Variants in MTMR10 observed in about 807,000 individuals in gnomAD.
The protein encoded by MTMR10 is myotubularin-related protein 10.
In MTMR10, 56 loss-of-function variants were observed where a neutral mutation model predicts 88.1. That is an observed-to-expected ratio of 0.64 (90% confidence interval 0.51 to 0.79). The LOEUF (loss-of-function observed/expected upper bound fraction) is 0.79, where lower values mean the gene tolerates loss of function less well. MTMR10 is among the 30% of genes least tolerant of loss of function. The probability of loss-of-function intolerance (pLI) is 0.00; values close to 1 mark genes in which losing one functional copy is unlikely to be tolerated. For missense variants in MTMR10, 883 were observed against 924.7 expected, an observed-to-expected ratio of 0.95 and a Z score of 0.58; for synonymous variants, 380 against 340.9, an observed-to-expected ratio of 1.11 and a Z score of -1.26.
the MTMR10 span, among the ~76,000 whole-genome samples, chr15:30,923,860 C>T: frequency 6.6e-6 from 1 of 151,878 alleles, no homozygotes; most frequent in African/African-American, 2.4e-5. Flanking sequence ...ATTTAACATC[C>T]CTAAAATACA....
intron 2 of MTMR10, among the ~76,000 whole-genome samples, chr15:30,988,878 T>C (rs1200708254): frequency 2.0e-5 from 3 of 150,080 alleles, no homozygotes; most frequent in Admixed American, 1.3e-4. Flanking sequence ...TAATCCCAGC[T>C]ACTTGGGAGA....
chr15:30,928,106 G>A, the MTMR10 span: 1 of 1,000,550 alleles, frequency 1.0e-6, no homozygotes, highest in Non-Finnish European at 1.2e-6. Context: ...CGGCCTCCGG[G>A]AGGTCCCCTT....
downstream of MTMR10, among the ~76,000 whole-genome samples, chr15:30,937,447 CTTTTTTTTTTTT>C (rs11317050): frequency 1.3e-5 from 1 of 78,978 alleles, no homozygotes; most frequent in African/African-American, 5.1e-5. Context: ...GGGTAATAAA[CTTTTTTTTTTTT>C]TTTTTTTTTT....
intron 6 of MTMR10, among the ~76,000 whole-genome samples, chr15:30,962,605 C>T (rs1025298531): frequency 4.6e-5 from 7 of 151,752 alleles, no homozygotes; most frequent in Admixed American, 6.6e-5. Context: ...TACCCTCCAA[C>T]GTCCCATGAA....
the MTMR10 span, chr15:30,922,144 A>G: frequency 2.0e-6 from 3 of 1,470,970 alleles, no homozygotes; most frequent in Admixed American, 2.2e-5. Context: ...CGCATTATAA[A>G]TAGGCTTTAC....
At chr15:30,973,725 G>C (rs1192533309) in intron 5 of MTMR10, among the ~76,000 whole-genome samples, 1 of 152,020 alleles carries the variant, frequency 6.6e-6, no homozygotes, top group African/African-American at 2.4e-5. Flanking sequence ...AGCAAAACAT[G>C]GAAAACATGC....
chr15:30,937,055 C>T (rs150482076), downstream of MTMR10: 666 of 1,409,524 alleles, frequency 4.7e-4, 7 homozygotes, highest in East Asian at 0.014. Context: ...ACAACTACAA[C>T]TTACTTGAAT....
Position 30,988,157 on chromosome 15 carries a change from G to C in MTMR10, c.121+2620C>G, listed in dbSNP as rs192812496. ...GGCCAACAAAGAGCAAATGGTAGCAGTGAGAGATGTGACAGGCGAGGTAAA... is the reference window on the plus strand; with the variant it reads ...GGCCAACAAAGAGCAAATGGTAGCACTGAGAGATGTGACAGGCGAGGTAAA... On this transcript the variant is annotated intron_variant, in intron 2 of 15. Coordinates refer to ENST00000435680, the MANE Select transcript of MTMR10 (RefSeq NM_017762.3). Among the ~76,000 whole-genome samples, 707 of 152,298 alleles carry C rather than the reference G, an allele frequency of 4.6e-3. 2 individuals carry two copies. Among genetic ancestry groups the C allele is most frequent in the Non-Finnish European group, 5.9e-3 (403 of 68,032 alleles).
the MTMR10 span, chr15:30,925,098 G>T: frequency 6.3e-7 from 1 of 1,585,374 alleles, no homozygotes; most frequent in Non-Finnish European, 8.6e-7. Flanking sequence ...TTTTTTAGGA[G>T]CCTGATGTGT....
intron 2 of MTMR10, among the ~76,000 whole-genome samples, chr15:30,978,973 A>G (rs1457682146): frequency 6.6e-6 from 1 of 152,140 alleles, no homozygotes; most frequent in Non-Finnish European, 1.5e-5. Flanking sequence ...TTGAACATAA[A>G]CCTCACCAAT....
intron 8 of MTMR10, 41 bp from the exon 9 acceptor site, chr15:30,958,992 A>G (rs370642534): frequency 3.7e-6 from 6 of 1,613,480 alleles, no homozygotes; most frequent in Non-Finnish European, 5.1e-6. Flanking sequence ...GTGTAGAAAC[A>G]ATGGACGTCA....
chr15:30,929,585 T>G, the MTMR10 span, among the ~76,000 whole-genome samples: 2 of 125,954 alleles, frequency 1.6e-5, no homozygotes, highest in South Asian at 2.3e-4. Context: ...TTTATTATAT[T>G]ATATATTATA....
Position 30,939,996 on chromosome 15 carries a change from A to T in MTMR10, c.*1474T>A. 1.0e-6 allele frequency: 1 copy of T among 978,038 alleles called. No homozygotes were observed. Among genetic ancestry groups the T allele is most frequent in the South Asian group, 4.7e-5 (1 of 21,136 alleles). 60.6% of individuals were successfully genotyped at this position (978,038 alleles called of 1,614,324 possible). On this transcript the variant is annotated 3_prime_UTR_variant, in exon 16 of 16. Coordinates refer to ENST00000435680, the MANE Select transcript of MTMR10 (RefSeq NM_017762.3). ...CATTATCAAATTTTAAAAGGCAAATAATTCAAAAAGAAACAGCTATTCAGT... is the reference window on the plus strand; with the variant it reads ...CATTATCAAATTTTAAAAGGCAAATTATTCAAAAAGAAACAGCTATTCAGT...
chr15:30,952,851 G>A (rs916880377), intron 11 of MTMR10, among the ~76,000 whole-genome samples: 5 of 151,834 alleles, frequency 3.3e-5, no homozygotes, highest in South Asian at 2.1e-4. Context: ...GTGCAGTGGC[G>A]TGATCTTGAC....
rs2063257373 is a variant in MTMR10, at chr15:30,952,140, C to A, written c.1137-102G>T. The stretch of plus-strand genomic sequence containing the variant: ...AATCTAATTTCTCACTTTACAGATG[C>A]TCTCTGATCATGATATTCCCATAAC... On this transcript the variant is annotated intron_variant, in intron 11 of 15. Transcript: ENST00000435680. 4.9e-5 allele frequency: 48 copies of A among 973,682 alleles called. 1 individual carries two copies. In the South Asian group the frequency reaches 6.9e-4, roughly 14 times the overall value. 60.3% of individuals were successfully genotyped at this position (973,682 alleles called of 1,614,324 possible).
chr15:30,926,961 T>C, the MTMR10 span: 1 of 985,460 alleles, frequency 1.0e-6, no homozygotes, highest in Non-Finnish European at 1.2e-6. Flanking sequence ...ATTTCTGAAG[T>C]ACTGCACCAA....
chr15:30,944,005 T>C (rs1473444857), intron 14 of MTMR10: 1 of 985,112 alleles, frequency 1.0e-6, no homozygotes, highest in African/African-American at 1.7e-5. Context: ...CTTTCAGTAC[T>C]CTCCAAATTT....
At chr15:30,929,744 TC>T in the MTMR10 span, among the ~76,000 whole-genome samples, 1 of 49,412 alleles carries the variant, frequency 2.0e-5, no homozygotes, top group Non-Finnish European at 3.5e-5. Context: ...ATATATTATA[TC>T]ATATATAATA....
At chr15:30,946,504 C>G in intron 14 of MTMR10, 1 of 500,564 alleles carries the variant, frequency 2.0e-6, no homozygotes, top group Non-Finnish European at 3.6e-6. Flanking sequence ...CTGAAGACCC[C>G]GGAGCTCACT....
Sources: gnomAD v4.1 joint callset for allele counts (sites outside exome capture counted in the v4.1 genomes callset) on GRCh38, gnomAD v4.1.1 for gene constraint, MANE v1.5 for transcripts, NCBI Gene and HGNC (gene_info 2026-07-23, HGNC 2026-07-21) for gene names.